DLG1: variants seen among roughly 807,000 people sequenced by gnomAD.
The protein encoded by DLG1 is discs large MAGUK scaffold protein 1, also known as disks large homolog 1.
DLG1 carries 42 observed loss-of-function variants against 123.4 expected under a neutral mutation model. That is an observed-to-expected ratio of 0.34 (90% CI 0.27 to 0.44). The LOEUF (loss-of-function observed/expected upper bound fraction) is 0.44. Ranked by LOEUF, DLG1 falls within the 20% of genes least tolerant of loss-of-function variation. The pLI, the probability that DLG1 is intolerant of heterozygous loss-of-function variation, is 1.00. For missense variants in DLG1, 942 were observed against 1,082.6 expected (o/e 0.87, Z 1.82); for synonymous variants, 317 against 356.2 (o/e 0.89, Z 1.24).
At chr3:197,167,012 C>T (rs1801793923) in intron 5 of DLG1, among the ~76,000 whole-genome samples, 1 of 151,898 alleles carries the variant, frequency 6.6e-6, no homozygotes, top group African/African-American at 2.4e-5. Flanking sequence ...TCTTGCTGTA[C>T]CAGAAGATAA....
chr3:197,162,958 A>G (rs551824817), intron 5 of DLG1, among the ~76,000 whole-genome samples: 182 of 152,298 alleles, frequency 1.2e-3, no homozygotes, highest in African/African-American at 4.2e-3. Context: ...TACACCTGAT[A>G]AGGGTTTAAT....
chr3:197,119,183 A>G (rs936876013), intron 12 of DLG1, among the ~76,000 whole-genome samples: 4 of 152,178 alleles, frequency 2.6e-5, no homozygotes, highest in Non-Finnish European at 5.9e-5. Flanking sequence ...GCCTCAAAGA[A>G]AAGCAGTATT....
At chr3:197,181,915 G>A (rs971065524) in intron 5 of DLG1, among the ~76,000 whole-genome samples, 1 of 152,152 alleles carries the variant, frequency 6.6e-6, no homozygotes, top group Non-Finnish European at 1.5e-5. Context: ...AGCTGACTGC[G>A]AACAGGGGTC....
intron 23 of DLG1, among the ~76,000 whole-genome samples, chr3:197,052,840 G>GA: frequency 6.6e-6 from 1 of 152,194 alleles, no homozygotes; most frequent in Admixed American, 6.5e-5. Flanking sequence ...AGAATCTATA[G>GA]GTTAAACAAC....
chr3:197,183,164 C>T (rs1262890961), intron 5 of DLG1, among the ~76,000 whole-genome samples: 1 of 152,118 alleles, frequency 6.6e-6, no homozygotes, highest in Non-Finnish European at 1.5e-5. Context: ...AAAGTATCTT[C>T]TGTTTCTTTA....
chr3:197,155,341 G>A (rs1176541678), intron 5 of DLG1, among the ~76,000 whole-genome samples: 2 of 152,104 alleles, frequency 1.3e-5, no homozygotes, highest in Admixed American at 6.5e-5. Context: ...CAGCAAGACA[G>A]TCCCTCAAAA....
intron 1 of DLG1, chr3:197,298,275 G>A (rs1323155956): frequency 1.1e-5 from 4 of 373,278 alleles, no homozygotes; most frequent in East Asian, 3.8e-5. Flanking sequence ...GGAGGGCAGG[G>A]GAACGGAAGG....
intron 3 of DLG1, among the ~76,000 whole-genome samples, chr3:197,290,394 C>T (rs1179549544): frequency 1.3e-5 from 2 of 151,922 alleles, no homozygotes; most frequent in African/African-American, 4.8e-5. Context: ...AAAGTGTCTC[C>T]CCCACATATT....
At position 197,140,123 on chromosome 3, in the gene DLG1, A is replaced by G. The variant is rs376665130; in HGVS notation, c.713+17T>C. 7.5e-6 allele frequency: 12 copies of G among 1,607,960 alleles called. No individual in the cohort carries two copies. Among genetic ancestry groups the G allele is most frequent in the Non-Finnish European group, 1.0e-5 (12 of 1,176,808 alleles). ...ACAAAGTGGATTCAGCATCACAATAAAAAGCGCAAAACATACCGCAATCTT... is the reference window on the plus strand; with the variant it reads ...ACAAAGTGGATTCAGCATCACAATAGAAAGCGCAAAACATACCGCAATCTT... On this transcript the variant is annotated intron_variant, in intron 8 of 24. Coordinates refer to ENST00000667157, the MANE Select transcript of DLG1 (RefSeq NM_001366207.1).
chr3:197,274,554 T>C (rs1156268507), intron 4 of DLG1, among the ~76,000 whole-genome samples: 1 of 144,918 alleles, frequency 6.9e-6, no homozygotes, highest in Non-Finnish European at 1.5e-5. Flanking sequence ...TGCTTCAGGA[T>C]GTTGGTCAGG....
At chr3:197,101,668 C>A (rs541543916) in intron 14 of DLG1, among the ~76,000 whole-genome samples, 1 of 152,120 alleles carries the variant, frequency 6.6e-6, no homozygotes, top group Non-Finnish European at 1.5e-5. Flanking sequence ...GGATTACAGG[C>A]GTGAGCCACC....
rs186916451 is a variant in DLG1 at position 197,103,262 on chromosome 3, G to A, written c.1546+1641C>T. On this transcript the variant is annotated intron_variant, in intron 14 of 24. Transcript: ENST00000667157. ...ATATTAAGTGAAGTTGTGTGGGTAG[G>A]AGCATGCGTGTATGTTTTGTTTTTC... 2.9e-3 allele frequency among the ~76,000 whole-genome samples: 435 copies of A among 152,240 alleles called. 1 individual carries two copies. The highest frequency in any genetic ancestry group is 4.6e-3 in the Non-Finnish European group (310 of 68,026).
At chr3:197,290,830 A>G (rs1774465795) in intron 3 of DLG1, among the ~76,000 whole-genome samples, 1 of 149,728 alleles carries the variant, frequency 6.7e-6, no homozygotes, top group Non-Finnish European at 1.5e-5. Context: ...CCTGGGAAGC[A>G]GAGGTTGCAG....
chr3:197,250,665 T>C (rs13095368), intron 4 of DLG1, among the ~76,000 whole-genome samples: 5,878 of 151,260 alleles, frequency 0.039, 131 homozygotes, highest in Middle Eastern at 0.055. Flanking sequence ...TGGGAATCAA[T>C]TGAACCAAAG....
intron 4 of DLG1, among the ~76,000 whole-genome samples, chr3:197,242,206 A>AAAT (rs2150747590): frequency 3.3e-5 from 5 of 152,314 alleles, no homozygotes; most frequent in African/African-American, 1.2e-4. Flanking sequence ...AAAGAAGGTC[A>AAAT]CTATATGATG....
At chr3:197,285,469 G>C (rs1451531639) in intron 3 of DLG1, among the ~76,000 whole-genome samples, 1 of 152,000 alleles carries the variant, frequency 6.6e-6, no homozygotes, top group East Asian at 1.9e-4. Context: ...AAAAGAGAAT[G>C]AAAAGATAAG....
chr3:197,170,613 G>A (rs1381978550), intron 5 of DLG1, among the ~76,000 whole-genome samples: 1 of 152,132 alleles, frequency 6.6e-6, no homozygotes, highest in Non-Finnish European at 1.5e-5. Flanking sequence ...ATTTCTTGAA[G>A]TTCCTTATAG....
At position 197,251,129 on chromosome 3, in the gene DLG1, T is replaced by A. The variant is rs913709048; in HGVS notation, c.318+31550A>T. ...GGACAGGCACGGTGGCTCATGCCTGTAACCCCAGCATTTGGGAGGCCGAGG... is the reference window on the plus strand; with the variant it reads ...GGACAGGCACGGTGGCTCATGCCTGAAACCCCAGCATTTGGGAGGCCGAGG... On this transcript the variant is annotated intron_variant, in intron 4 of 24. Transcript: ENST00000667157. Among the ~76,000 whole-genome samples the A allele has an allele frequency of 2.6e-5, 4 of 151,592 alleles. No individual in the cohort carries two copies. The East Asian group carries it at 5.8e-4, about 22-fold the overall frequency.
chr3:197,052,472 T>TA (rs1470483566), intron 23 of DLG1, among the ~76,000 whole-genome samples: 2 of 151,848 alleles, frequency 1.3e-5, no homozygotes, highest in Non-Finnish European at 2.9e-5. Flanking sequence ...ACAAAATAAA[T>TA]AAATAAATAA....
Sources: gnomAD v4.1 joint callset for allele counts (sites outside exome capture counted in the v4.1 genomes callset) on GRCh38, gnomAD v4.1.1 for gene constraint, MANE v1.5 for transcripts, NCBI Gene and HGNC (gene_info 2026-07-23, HGNC 2026-07-21) for gene names.